The following USP32 variants were observed in gnomAD, a reference collection of about 807,000 sequenced individuals.
The protein encoded by USP32 is ubiquitin specific peptidase 32.
Under a neutral mutation model 204.8 loss-of-function variants are expected in USP32, and 59 were observed. The observed-to-expected ratio is 0.29, with a 90% CI of 0.23 to 0.36. The LOEUF (loss-of-function observed/expected upper bound fraction) is 0.36, where lower values mean the gene tolerates loss of function less well. Ranked by LOEUF, USP32 falls within the 10% of genes least tolerant of loss-of-function variation. The probability of loss-of-function intolerance (pLI) is 1.00; values close to 1 mark genes in which losing one functional copy is unlikely to be tolerated. For synonymous variants in USP32, 517 were observed against 678.4 expected (o/e 0.76, Z 3.70); for missense variants, 1,160 against 1,946.4 (o/e 0.60, Z 7.60).
intron 1 of USP32, among the ~76,000 whole-genome samples, chr17:60,365,828 TA>T (rs2089300024): frequency 6.6e-6 from 1 of 152,162 alleles, no homozygotes; most frequent in African/African-American, 2.4e-5. Context: ...AAAACCAGAA[TA>T]AATCTACCAA....
chr17:60,181,569 C>T lies in USP32; in HGVS notation c.4303G>A (p.Ala1435Thr). ...ENLDASKENG[A>T]GQICELADAL... ...TCAGCCAGCTCACATATCTGCCCAG[C>T]CCCATTTTCTTTGCTGGCATCCAAG... Residue 1435 changes from alanine (A) to threonine (T), a missense_variant, in exon 32 of 34, where the codon GCT becomes ACT. By Grantham distance (58) the Ala-to-Thr change is moderately conservative (BLOSUM62 0). Coordinates refer to ENST00000300896, the MANE Select transcript of USP32 (RefSeq NM_032582.4). 6.2e-7 allele frequency: 1 copy of T among 1,614,020 alleles called. No individual in the cohort carries two copies. Among genetic ancestry groups the T allele is most frequent in the African/African-American group, 1.3e-5 (1 of 75,054 alleles).
At chr17:60,218,245 G>A (rs567786330) in intron 16 of USP32, among the ~76,000 whole-genome samples, 3 of 152,176 alleles carry the variant, frequency 2.0e-5, no homozygotes, top group African/African-American at 4.8e-5. Context: ...TGAGCCAGGT[G>A]TGGTGGTGGG....
chr17:60,295,987 TA>T (rs754829647), intron 3 of USP32, among the ~76,000 whole-genome samples: 17 of 151,536 alleles, frequency 1.1e-4, no homozygotes, highest in Non-Finnish European at 1.9e-4. Flanking sequence ...TAAGGACACA[TA>T]AACATGTTGT....
chr17:60,253,578 C>T (rs1391756434), intron 10 of USP32, among the ~76,000 whole-genome samples: 1 of 151,890 alleles, frequency 6.6e-6, no homozygotes, highest in Non-Finnish European at 1.5e-5. Flanking sequence ...CCAGCCTGGC[C>T]AACATGGTGA....
chr17:60,294,381 G>GGTGTGTGTGTGT (rs2087370202), intron 4 of USP32, among the ~76,000 whole-genome samples: 1 of 115,268 alleles, frequency 8.7e-6, no homozygotes, highest in African/African-American at 7.5e-5. Flanking sequence ...GGTTCCTGCA[G>GGTGTGTGTGTGT]GAGTGTGTGT....
chr17:60,334,814 T>C lies in USP32; in HGVS notation c.186+10667A>G, dbSNP rs371741213. ...ATCCATATTGTTCAAGGGTCAACTG[T>C]GTCTAGCTTTAGCAGCTCAATATAT... On this transcript the variant is annotated intron_variant, in intron 2 of 33. Coordinates refer to ENST00000300896, the MANE Select transcript of USP32 (RefSeq NM_032582.4). Among the ~76,000 whole-genome samples, 22 of 143,510 alleles carry C rather than the reference T, an allele frequency of 1.5e-4. 1 individual carries two copies. In the East Asian group the frequency reaches 3.9e-3, roughly 25 times the overall value. 94.1% of individuals were successfully genotyped at this position (143,510 alleles called of 152,430 possible).
intron 16 of USP32, among the ~76,000 whole-genome samples, chr17:60,216,753 G>T (rs1421896437): frequency 6.6e-6 from 1 of 152,028 alleles, no homozygotes; most frequent in Non-Finnish European, 1.5e-5. Flanking sequence ...ATTTGAGAAA[G>T]ATGAACATCA....
chr17:60,284,845 A>C (rs951575789), intron 5 of USP32, among the ~76,000 whole-genome samples: 3 of 152,176 alleles, frequency 2.0e-5, no homozygotes, highest in African/African-American at 4.8e-5. Flanking sequence ...ATAAGAATCC[A>C]GCAATAGTCA....
chr17:60,392,784 C>G, upstream of USP32: 5 of 301,516 alleles, frequency 1.7e-5, no homozygotes, highest in South Asian at 1.2e-4. Flanking sequence ...ACCTTGTTAA[C>G]GAAGTGGATC....
intron 1 of USP32, among the ~76,000 whole-genome samples, chr17:60,368,803 G>A (rs1288807148): frequency 1.3e-5 from 2 of 151,984 alleles, no homozygotes; most frequent in East Asian, 3.9e-4. Flanking sequence ...ACATATAAGC[G>A]AAAGTGTACA....
intron 1 of USP32, 79 bp downstream of exon 1, chr17:60,391,803 T>A: frequency 6.6e-7 from 1 of 1,515,716 alleles, no homozygotes; most frequent in Non-Finnish European, 9.0e-7. Context: ...CAATCTCCCC[T>A]CTCCCTCCCG....
chr17:60,382,757 C>G (rs1428679050), intron 1 of USP32, among the ~76,000 whole-genome samples: 1 of 151,982 alleles, frequency 6.6e-6, no homozygotes, highest in Non-Finnish European at 1.5e-5. Flanking sequence ...TGAAGGTCAT[C>G]ATATAAAAAT....
intron 1 of USP32, 52 bp from the exon 2 acceptor site, chr17:60,345,660 T>A: frequency 6.2e-7 from 1 of 1,610,654 alleles, no homozygotes; most frequent in South Asian, 1.1e-5. Flanking sequence ...AAAAGAGGTG[T>A]CTCATAATTT....
chr17:60,226,274 C>G (rs773046726), intron 12 of USP32, 43 bp from the exon 13 acceptor site: 66 of 1,485,182 alleles, frequency 4.4e-5, no homozygotes, highest in Middle Eastern at 1.8e-4. Flanking sequence ...AGTTTATAAT[C>G]TGACAACTAT....
intron 11 of USP32, among the ~76,000 whole-genome samples, chr17:60,241,745 T>C (rs2085884375): frequency 1.3e-5 from 2 of 152,356 alleles, no homozygotes; most frequent in East Asian, 3.9e-4. Context: ...GTTGTAACAG[T>C]CCTTTATATA....
chr17:60,215,583 T>C (rs1287932053), intron 16 of USP32, among the ~76,000 whole-genome samples: 1 of 152,130 alleles, frequency 6.6e-6, no homozygotes, highest in East Asian at 1.9e-4. Context: ...TCCTAAACTT[T>C]CTTTGAATCA....
chr17:60,235,506 C>T (rs2085699085), intron 12 of USP32, among the ~76,000 whole-genome samples: 1 of 152,124 alleles, frequency 6.6e-6, no homozygotes. Flanking sequence ...TAAGCAGTGA[C>T]AGAGGAAATA....
At chr17:60,220,132 T>TA in intron 15 of USP32, among the ~76,000 whole-genome samples, 1 of 152,140 alleles carries the variant, frequency 6.6e-6, no homozygotes, top group South Asian at 2.1e-4. Context: ...TTCATGTATA[T>TA]AAATGATTGA....
chr17:60,399,526 G>A (rs1388495127), intron 1 of USP32, among the ~76,000 whole-genome samples: 2 of 152,020 alleles, frequency 1.3e-5, no homozygotes, highest in Non-Finnish European at 2.9e-5. Context: ...AGCTGGGTGT[G>A]GTGGCATGTG....
Sources: allele counts gnomAD v4.1 joint callset (sites outside exome capture counted in the v4.1 genomes callset), GRCh38; gene constraint gnomAD v4.1.1; transcripts MANE v1.5; gene names NCBI Gene and HGNC (gene_info 2026-07-23, HGNC 2026-07-21).